Variants in DCLK1 observed in about 807,000 individuals in gnomAD.
The protein encoded by DCLK1 is doublecortin like kinase 1, also known as serine/threonine-protein kinase DCLK1.
A neutral mutation model predicts 86.2 loss-of-function variants in DCLK1; 16 were observed. The observed-to-expected ratio is 0.19, with a 90% CI of 0.13 to 0.28. DCLK1 has a LOEUF of 0.28. Among genes scored for constraint, DCLK1 ranks in the 10% least tolerant of loss-of-function variants. DCLK1 has a pLI of 1.00. For synonymous variants in DCLK1, 369 were observed against 370.5 expected (o/e 1.00, Z 0.05); for missense variants, 590 against 940.2 (o/e 0.63, Z 4.87).
At chr13:35,909,532 C>A (rs993601466) in intron 4 of DCLK1, among the ~76,000 whole-genome samples, 9 of 149,688 alleles carry the variant, frequency 6.0e-5, no homozygotes, top group Non-Finnish European at 8.9e-5. Flanking sequence ...ATTTTGTATG[C>A]AATGAGAAAT....
intron 3 of DCLK1, among the ~76,000 whole-genome samples, chr13:36,003,720 TACAAAACAAC>T (rs1880824651): frequency 1.3e-5 from 2 of 152,192 alleles, no homozygotes; most frequent in African/African-American, 4.8e-5. Flanking sequence ...TACAAAAGGC[TACAAAACAAC>T]ACAAAACAAC....
rs11841368 is a variant in DCLK1, at chr13:35,999,501, A to T, written c.724-52044T>A. ...TCTTTTTGTCTCTCTTCCTTCAAGG[A>T]CAATTTGGAATAGAAAATCCCTGCT... On this transcript the variant is annotated intron_variant, in intron 3 of 16. Coordinates refer to ENST00000360631, the MANE Select transcript of DCLK1 (RefSeq NM_001330071.2). 5.5e-3 allele frequency among the ~76,000 whole-genome samples: 842 copies of T among 152,054 alleles called. 6 individuals carry two copies. Among genetic ancestry groups the T allele is most frequent in the African/African-American group, 0.019 (802 of 41,482 alleles).
chr13:35,774,719 A>C lies in DCLK1; in HGVS notation c.2059-20T>G. 6.2e-6 allele frequency: 10 copies of C among 1,607,644 alleles called. No individual in the cohort carries two copies. Among genetic ancestry groups the C allele is most frequent in the Non-Finnish European group, 8.5e-6 (10 of 1,176,396 alleles). On this transcript the variant is annotated intron_variant, in intron 16 of 16. Transcript: ENST00000360631. ...GGTGGTCTAGCAGGGGCATAAAATG[A>C]GAAAGAGGACAATTAGGGCGAGGGA... is the stretch of plus-strand genomic sequence containing the variant.
intron 3 of DCLK1, among the ~76,000 whole-genome samples, chr13:35,976,756 G>C (rs1241491121): frequency 6.6e-6 from 1 of 151,022 alleles, no homozygotes; most frequent in African/African-American, 2.4e-5. Context: ...GGATGGTCTC[G>C]ATCTCTTGAC....
chr13:36,113,912 C>T (rs995730072), intron 2 of DCLK1, among the ~76,000 whole-genome samples: 4 of 152,148 alleles, frequency 2.6e-5, no homozygotes, highest in Non-Finnish European at 4.4e-5. Flanking sequence ...GTGGACACCA[C>T]GTTGGGTCCA....
intron 3 of DCLK1, among the ~76,000 whole-genome samples, chr13:36,076,319 T>C (rs1439422665): frequency 6.6e-6 from 1 of 152,208 alleles, no homozygotes; most frequent in Non-Finnish European, 1.5e-5. Context: ...ATGGGCACTT[T>C]CACAATTATC....
chr13:36,078,123 A>G (rs1420346149), intron 3 of DCLK1, among the ~76,000 whole-genome samples: 1 of 152,200 alleles, frequency 6.6e-6, no homozygotes, highest in Non-Finnish European at 1.5e-5. Context: ...TAGTGCTCCT[A>G]TAAGACAAGG....
Position 35,899,995 on chromosome 13 carries a change from A to G in DCLK1, c.824-28655T>C, listed in dbSNP as rs1874252741. On this transcript the variant is annotated intron_variant, in intron 4 of 16. Coordinates refer to ENST00000360631, the MANE Select transcript of DCLK1 (RefSeq NM_001330071.2). ...TATGTACAGCTTTCTCTAAAATCATACCTACCTTATTAAATATATTTACTA... is the reference window on the plus strand; with the variant it reads ...TATGTACAGCTTTCTCTAAAATCATGCCTACCTTATTAAATATATTTACTA... Among the ~76,000 whole-genome samples the G allele has an allele frequency of 2.6e-5, 4 of 152,204 alleles. No individual in the cohort carries two copies. The South Asian group carries it at 8.3e-4, about 31-fold the overall frequency.
At chr13:35,835,748 GT>G (rs1869321606) in intron 8 of DCLK1, among the ~76,000 whole-genome samples, 1 of 152,026 alleles carries the variant, frequency 6.6e-6, no homozygotes, top group Non-Finnish European at 1.5e-5. Flanking sequence ...ATTCAATATG[GT>G]TTTTAACAAC....
chr13:36,071,600 T>C (rs1018220599), intron 3 of DCLK1, among the ~76,000 whole-genome samples: 7 of 152,222 alleles, frequency 4.6e-5, no homozygotes, highest in African/African-American at 1.4e-4. Flanking sequence ...GTATGGGTGT[T>C]AGATGCTGGA....
Position 35,879,498 on chromosome 13 carries a change from A to T in DCLK1, c.824-8158T>A, listed in dbSNP as rs1014932494. 2.6e-4 allele frequency among the ~76,000 whole-genome samples: 39 copies of T among 152,212 alleles called. 2 individuals carry two copies. The highest frequency in any genetic ancestry group is 1.5e-5 in the Non-Finnish European group (1 of 68,038). The stretch of plus-strand genomic sequence containing the variant: ...AACCCTTTCCTTTTCCCTAACAGTC[A>T]CATAAGAGAAAAGTTCATCTTTTCC... On this transcript the variant is annotated intron_variant, in intron 4 of 16. Transcript: ENST00000360631.
chr13:35,892,470 A>T (rs907011009), intron 4 of DCLK1, among the ~76,000 whole-genome samples: 6 of 151,988 alleles, frequency 3.9e-5, no homozygotes, highest in African/African-American at 1.4e-4. Flanking sequence ...AACACACATA[A>T]CTCAGGAAAC....
intron 4 of DCLK1, among the ~76,000 whole-genome samples, chr13:35,924,801 A>G (rs1876019960): frequency 6.6e-6 from 1 of 152,240 alleles, no homozygotes; most frequent in African/African-American, 2.4e-5. Flanking sequence ...GGCTCTGACC[A>G]AAGTTCAGCT....
At chr13:35,831,229 T>C (rs1877311855) in intron 8 of DCLK1, among the ~76,000 whole-genome samples, 1 of 152,184 alleles carries the variant, frequency 6.6e-6, no homozygotes, top group African/African-American at 2.4e-5. Flanking sequence ...CAAATTAATG[T>C]TGCATCTTTT....
At chr13:36,038,777 G>C (rs1882598891) in intron 3 of DCLK1, among the ~76,000 whole-genome samples, 1 of 152,152 alleles carries the variant, frequency 6.6e-6, no homozygotes, top group Non-Finnish European at 1.5e-5. Flanking sequence ...TAGTGTTCAT[G>C]CGTTAGACAC....
intron 16 of DCLK1, among the ~76,000 whole-genome samples, chr13:35,786,941 AT>A (rs1160674792): frequency 1.3e-5 from 2 of 152,224 alleles, no homozygotes; most frequent in East Asian, 3.9e-4. Context: ...CTTTAAACAG[AT>A]TTGGAAATGA....
Position 36,100,179 on chromosome 13 carries a change from C to CAA in DCLK1, c.723+11688_723+11689dup, listed in dbSNP as rs58824322. Among the ~76,000 whole-genome samples the CAA allele has an allele frequency of 5.6e-3, 211 of 37,692 alleles. 8 individuals are homozygous for CAA. Among genetic ancestry groups the CAA allele is most frequent in the East Asian group, 0.019 (12 of 634 alleles). The allele number at this position is 37,692 out of a possible 152,430, so 24.7% of individuals were successfully genotyped here. ...ACAACAGGGCAAAACCCTGTCTCTACAAAAAAAAAAAAAAAAAAAAAAAAA... is the reference window on the plus strand; with the variant it reads ...ACAACAGGGCAAAACCCTGTCTCTACAAAAAAAAAAAAAAAAAAAAAAAAAAA... On this transcript the variant is annotated intron_variant, in intron 3 of 16. Transcript: ENST00000360631.
At chr13:36,047,440 G>C (rs948219537) in intron 3 of DCLK1, among the ~76,000 whole-genome samples, 7 of 152,064 alleles carry the variant, frequency 4.6e-5, no homozygotes, top group African/African-American at 4.8e-5. Flanking sequence ...TCAATCAATG[G>C]ATAGATACAT....
At chr13:36,022,338 A>T (rs1881819078) in intron 3 of DCLK1, among the ~76,000 whole-genome samples, 1 of 152,122 alleles carries the variant, frequency 6.6e-6, no homozygotes, top group Admixed American at 6.5e-5. Flanking sequence ...CAATAATCTA[A>T]CTTTCCACTT....
Sources: gnomAD v4.1 joint callset for allele counts (sites outside exome capture counted in the v4.1 genomes callset) on GRCh38, gnomAD v4.1.1 for gene constraint, MANE v1.5 for transcripts, NCBI Gene and HGNC (gene_info 2026-07-23, HGNC 2026-07-21) for gene names.